Variants in HYKK observed in about 807,000 individuals in gnomAD.
The protein encoded by HYKK is hydroxylysine kinase.
A neutral mutation model predicts 29.7 loss-of-function variants in HYKK; 19 were observed. The observed-to-expected ratio is 0.64, with a 90% confidence interval of 0.45 to 0.94. The LOEUF (loss-of-function observed/expected upper bound fraction) is 0.94, where lower values mean the gene tolerates loss of function less well. HYKK is among the 40% of genes least tolerant of loss of function. The probability of loss-of-function intolerance (pLI) is 0.00; values close to 1 mark genes in which losing one functional copy is unlikely to be tolerated. For missense variants in HYKK, 390 were observed against 443.4 expected, an observed-to-expected ratio of 0.88 and a Z score of 1.08; for synonymous variants, 152 against 158.1, an observed-to-expected ratio of 0.96 and a Z score of 0.29.
At chr15:78,510,528 A>G (rs940198533) in intron 1 of HYKK, among the ~76,000 whole-genome samples, 9 of 152,074 alleles carry the variant, frequency 5.9e-5, no homozygotes, top group Non-Finnish European at 1.0e-4. Context: ...TCATCAGGCC[A>G]TAGTCCTAGG....
intron 4 of HYKK, among the ~76,000 whole-genome samples, chr15:78,532,299 A>T (rs1029544505): frequency 1.3e-5 from 2 of 151,998 alleles, no homozygotes; most frequent in African/African-American, 4.8e-5. Flanking sequence ...CACTGATCAC[A>T]CTCTTGGATG....
chr15:78,527,626 GA>G, intron 4 of HYKK, 63 bp downstream of exon 4: 1 of 1,586,530 alleles, frequency 6.3e-7, no homozygotes. Flanking sequence ...CATATCATCA[GA>G]AAAGTATGGA....
In HYKK at chr15:78,514,908, C is replaced by A. The variant is rs746391387; in HGVS notation, c.338-60C>A. On this transcript the variant is annotated intron_variant, in intron 2 of 4. Transcript: ENST00000388988. ...TAAATACCTCTCTCTCTCTCTCTCT[C>A]TATATATATATATATATATAAATAA... is the stretch of plus-strand genomic sequence containing the variant. 1.5e-3 allele frequency: 581 copies of A among 385,438 alleles called. 1 individual carries two copies. Among genetic ancestry groups the A allele is most frequent in the African/African-American group, 0.012 (484 of 40,468 alleles). 23.9% of individuals were successfully genotyped at this position (385,438 alleles called of 1,614,324 possible). A position where few individuals can be genotyped will look rare whatever the true frequency, so the allele number is the denominator to read the frequency against.
At chr15:78,530,062 C>T (rs974286076) in intron 4 of HYKK, among the ~76,000 whole-genome samples, 6 of 152,064 alleles carry the variant, frequency 3.9e-5, no homozygotes, top group African/African-American at 1.4e-4. Context: ...CCTCAAACTC[C>T]TGGGCTCAAG....
intron 2 of HYKK, 24 bp downstream of exon 2, chr15:78,513,449 T>C (rs1393941748): frequency 1.3e-6 from 2 of 1,530,284 alleles, no homozygotes; most frequent in South Asian, 2.3e-5. Flanking sequence ...AATTCGCCGA[T>C]CCATTACCTA....
intron 3 of HYKK, among the ~76,000 whole-genome samples, chr15:78,518,197 AT>A (rs1168216563): frequency 6.6e-6 from 1 of 151,494 alleles, no homozygotes; most frequent in Non-Finnish European, 1.5e-5. Flanking sequence ...TTTATTTTTT[AT>A]TTTTTTTGAG....
chr15:78,522,515 C>T (rs1164910044), intron 3 of HYKK, among the ~76,000 whole-genome samples: 9 of 146,548 alleles, frequency 6.1e-5, no homozygotes, highest in South Asian at 2.2e-4. Context: ...ACTGAGATCA[C>T]GCCATTGCTC....
chr15:78,527,590 T>C (rs1239193523), intron 4 of HYKK, 27 bp downstream of exon 4: 1 of 1,609,950 alleles, frequency 6.2e-7, no homozygotes, highest in Non-Finnish European at 8.5e-7. Context: ...TTAAGTATTT[T>C]TCTTGATATT....
chr15:78,528,801 C>CA (rs375962788), intron 4 of HYKK: 271,967 of 803,974 alleles, frequency 0.34, 8,387 homozygotes, highest in Middle Eastern at 0.39. Context: ...AATCCGTCTC[C>CA]AAAAAAAAAA....
intron 3 of HYKK, among the ~76,000 whole-genome samples, chr15:78,526,094 G>A (rs1425286532): frequency 6.6e-6 from 1 of 152,178 alleles, no homozygotes; most frequent in Non-Finnish European, 1.5e-5. Context: ...CCCCATTTGT[G>A]CAATGATAGT....
chr15:78,537,347 G>T (rs1276967383), downstream of HYKK: 4 of 644,966 alleles, frequency 6.2e-6, no homozygotes, highest in African/African-American at 5.4e-5. Context: ...AAGATCTGTT[G>T]AATAAACTGT....
At chr15:78,520,917 C>T (rs1324175892) in intron 3 of HYKK, among the ~76,000 whole-genome samples, 1 of 149,450 alleles carries the variant, frequency 6.7e-6, no homozygotes, top group African/African-American at 2.5e-5. Context: ...GGGTGGGGGG[C>T]TGACCCCCCC....
intron 4 of HYKK, among the ~76,000 whole-genome samples, chr15:78,528,967 C>G (rs1327783398): frequency 6.6e-6 from 1 of 152,124 alleles, no homozygotes; most frequent in African/African-American, 2.4e-5. Flanking sequence ...CAGTCTTATT[C>G]ATCTCATTAA....
Position 78,515,050 on chromosome 15 carries a change from C to T in HYKK, c.420C>T (p.Ser140=), listed in dbSNP as rs200087101. 8,238 of 1,603,982 alleles carry T rather than the reference C, an allele frequency of 5.1e-3. 41 individuals are homozygous for T. Among genetic ancestry groups the T allele is most frequent in the Non-Finnish European group, 6.5e-3 (7,650 of 1,174,272 alleles). Residue 140 remains serine, a synonymous_variant, in exon 3 of 5, where the codon AGC becomes AGT. Transcript: ENST00000388988. Reference sequence around the variant, plus strand: ...GACCCATCGCTGAGCTTCCCGTCAGCCCCCAGCTATTGTATGAAATTGGAA... The same window carrying T: ...GACCCATCGCTGAGCTTCCCGTCAGTCCCCAGCTATTGTATGAAATTGGAA... ...PGRPIAELPV[S]PQLLYEIGKL...
chr15:78,519,020 A>C (rs1334737715), intron 3 of HYKK, among the ~76,000 whole-genome samples: 1 of 152,152 alleles, frequency 6.6e-6, no homozygotes, highest in Non-Finnish European at 1.5e-5. Context: ...TTCTGAGTAA[A>C]AATCCTTCCA....
rs140890102 is a variant in HYKK at position 78,530,491 on chromosome 15, T to C, written c.662-2719T>C. 3.0e-3 allele frequency among the ~76,000 whole-genome samples: 463 copies of C among 152,352 alleles called. 1 individual carries two copies. The highest frequency in any genetic ancestry group is 5.3e-3 in the Non-Finnish European group (360 of 68,030). ...GTAATTACATTGTGATCAGAGAACA[T>C]ACTTTATATTAGTGCTGTCCAGTAG... On this transcript the variant is annotated intron_variant, in intron 4 of 4. Transcript: ENST00000388988.
At chr15:78,525,758 C>G (rs1466257633) in intron 3 of HYKK, among the ~76,000 whole-genome samples, 1 of 152,132 alleles carries the variant, frequency 6.6e-6, no homozygotes, top group Non-Finnish European at 1.5e-5. Context: ...GTTGGCCTCC[C>G]AAAGTGCTGG....
chr15:78,536,298 TAC>T lies in HYKK; in HGVS notation c.*2660_*2661del, dbSNP rs3053647. ...CCTCTCCCTCCTCTCCTGTCCCTGC[TAC>T]ACACACACACACACACACACACACA... is the stretch of plus-strand genomic sequence containing the variant. On this transcript the variant is annotated 3_prime_UTR_variant, in exon 5 of 5. Transcript: ENST00000388988. 0.045 allele frequency: 6,678 copies of T among 149,008 alleles called. 272 individuals carry two copies. The highest frequency in any genetic ancestry group is 0.23 in the East Asian group (1,182 of 5,044). 9.2% of individuals were successfully genotyped at this position (149,008 alleles called of 1,614,324 possible).
intron 1 of HYKK, among the ~76,000 whole-genome samples, chr15:78,510,160 C>A (rs1480904802): frequency 7.2e-6 from 1 of 139,654 alleles, no homozygotes; most frequent in East Asian, 2.0e-4. Flanking sequence ...CTCTTGCTCT[C>A]TCTTCTCTCT....
Sources: allele counts gnomAD v4.1 joint callset (sites outside exome capture counted in the v4.1 genomes callset), GRCh38; gene constraint gnomAD v4.1.1; transcripts MANE v1.5; gene names NCBI Gene and HGNC (gene_info 2026-07-23, HGNC 2026-07-21).